Variants in PBX1 observed in about 807,000 individuals in gnomAD.
PBX1 encodes the protein pre-B-cell leukemia transcription factor 1.
PBX1 carries 6 observed loss-of-function variants against 53.4 expected under a neutral mutation model. The observed-to-expected ratio is 0.11, with a 90% CI of 0.06 to 0.22. PBX1 has a LOEUF of 0.22. Among genes scored for constraint, PBX1 ranks in the 10% least tolerant of loss-of-function variants. The probability of loss-of-function intolerance (pLI) is 1.00; values close to 1 mark genes in which losing one functional copy is unlikely to be tolerated. For synonymous variants in PBX1, 204 were observed against 212.3 expected, an observed-to-expected ratio of 0.96 and a Z score of 0.34; for missense variants, 251 against 551.4, an observed-to-expected ratio of 0.46 and a Z score of 5.46.
At chr1:164,672,184 C>T (rs1010743410) in intron 2 of PBX1, among the ~76,000 whole-genome samples, 1 of 151,888 alleles carries the variant, frequency 6.6e-6, no homozygotes, top group African/African-American at 2.4e-5. Context: ...CATAGATACT[C>T]ATGGGTGTAA....
chr1:164,618,302 G>C (rs796790141), intron 2 of PBX1, among the ~76,000 whole-genome samples: 3,696 of 147,938 alleles, frequency 0.025, 154 homozygotes, highest in African/African-American at 0.041. Flanking sequence ...CACGGCGGGG[G>C]GGGGGGGGCA....
chr1:164,680,819 T>A (rs1661721227), intron 2 of PBX1: 1 of 152,242 alleles, frequency 6.6e-6, no homozygotes. Flanking sequence ...ACTTATTTTT[T>A]ACCTCTTCAT....
intron 2 of PBX1, chr1:164,682,685 ACCT>A (rs1159061156): frequency 6.6e-6 from 1 of 152,256 alleles, no homozygotes; most frequent in African/African-American, 2.4e-5. Context: ...TTAAATAGCA[ACCT>A]CATTCCTCAG....
At position 164,674,847 on chromosome 1, in the gene PBX1, G is replaced by GCCCCCCCCC. The variant is rs78130048; in HGVS notation, c.265+111543_265+111551dup. 3.2e-4 allele frequency: 13 copies of GCCCCCCCCC among 40,710 alleles called. 3 individuals are homozygous for GCCCCCCCCC. The highest frequency in any genetic ancestry group is 1.4e-3 in the South Asian group (1 of 736). 2.5% of individuals were successfully genotyped at this position (40,710 alleles called of 1,614,324 possible). ...TATTTAGTTAGAGGAAGAAATCACA[G>GCCCCCCCCC]CCCCCCCCCCCCCCCACCCACCACC... On this transcript the variant is annotated intron_variant, in intron 2 of 8. Coordinates refer to ENST00000420696, the MANE Select transcript of PBX1 (RefSeq NM_002585.4).
At chr1:164,573,127 GA>G (rs2101717262) in intron 2 of PBX1, among the ~76,000 whole-genome samples, 1 of 152,108 alleles carries the variant, frequency 6.6e-6, no homozygotes, top group Admixed American at 6.5e-5. Context: ...TAAAAAGTAA[GA>G]AGAAGCAGGT....
rs1188392028 is a variant in PBX1 at position 164,799,686 on chromosome 1, C to G, written c.511-13C>G. 1 of 1,604,588 alleles carries G rather than the reference C, an allele frequency of 6.2e-7. No individual in the cohort carries two copies. Among genetic ancestry groups the G allele is most frequent in the African/African-American group, 1.3e-5 (1 of 74,744 alleles). ...GACCCTCAATGACGGTGTTGATTGT[C>G]CTGCCATTCCAGGCCTGCAACGAGT... is the stretch of plus-strand genomic sequence containing the variant. On this transcript the variant is annotated splice_polypyrimidine_tract_variant and intron_variant, in intron 3 of 8. Coordinates refer to ENST00000420696, the MANE Select transcript of PBX1 (RefSeq NM_002585.4).
chr1:164,563,405 C>T, intron 2 of PBX1, 94 bp downstream of exon 2: 1 of 768,658 alleles, frequency 1.3e-6, no homozygotes. Context: ...ATTAAAATTT[C>T]AGAATACAAG....
intron 2 of PBX1, among the ~76,000 whole-genome samples, chr1:164,713,121 C>T (rs1008941503): frequency 1.3e-5 from 2 of 152,128 alleles, no homozygotes; most frequent in South Asian, 2.1e-4. Context: ...CCAAGTCATT[C>T]GTTAATGACT....
At chr1:164,765,642 A>G (rs1436296108) in intron 2 of PBX1, among the ~76,000 whole-genome samples, 2 of 152,198 alleles carry the variant, frequency 1.3e-5, no homozygotes, top group Non-Finnish European at 2.9e-5. Context: ...TGTGAGATAA[A>G]TGTGGTTCTC....
At chr1:164,570,944 T>C (rs189886091) in intron 2 of PBX1, among the ~76,000 whole-genome samples, 123 of 152,324 alleles carry the variant, frequency 8.1e-4, no homozygotes, top group African/African-American at 2.6e-3. Flanking sequence ...GATTTGCATT[T>C]CTCTAATGAC....
At chr1:164,846,543 C>T (rs749467789) in intron 8 of PBX1, 41 bp from the exon 9 acceptor site, 2 of 1,572,852 alleles carry the variant, frequency 1.3e-6, no homozygotes, top group Non-Finnish European at 1.8e-6. Flanking sequence ...AACAGCCACC[C>T]AATCTCAGAG....
chr1:164,821,860 G>A (rs1670173342), intron 8 of PBX1, among the ~76,000 whole-genome samples: 1 of 152,114 alleles, frequency 6.6e-6, no homozygotes, highest in Non-Finnish European at 1.5e-5. Context: ...GACGCAATCA[G>A]TGTTTGCATG....
At chr1:164,638,977 T>G (rs947678427) in intron 2 of PBX1, among the ~76,000 whole-genome samples, 5 of 152,214 alleles carry the variant, frequency 3.3e-5, no homozygotes, top group Admixed American at 2.0e-4. Flanking sequence ...TGCCCGTTTT[T>G]TCTCTACAGG....
At chr1:164,724,149 T>C (rs911451016) in intron 2 of PBX1, among the ~76,000 whole-genome samples, 1 of 152,196 alleles carries the variant, frequency 6.6e-6, no homozygotes, top group Non-Finnish European at 1.5e-5. Context: ...AATGTGATAC[T>C]GGGTTACAAG....
intron 2 of PBX1, chr1:164,626,045 AC>A (rs1658014192): frequency 1.9e-6 from 2 of 1,039,476 alleles, no homozygotes; most frequent in Non-Finnish European, 2.3e-6. Context: ...GAACCCCGTT[AC>A]CCCCCAGCCC....
chr1:164,691,415 A>C (rs1199304850), intron 2 of PBX1, among the ~76,000 whole-genome samples: 1 of 152,246 alleles, frequency 6.6e-6, no homozygotes, highest in East Asian at 1.9e-4. Context: ...TACTGTGGGC[A>C]TATGACATTT....
chr1:164,788,788 T>G (rs574106517), intron 2 of PBX1, among the ~76,000 whole-genome samples: 2 of 147,460 alleles, frequency 1.4e-5, no homozygotes, highest in Non-Finnish European at 3.0e-5. Context: ...TCTTTTGTTT[T>G]CTTCAGAACT....
intron 2 of PBX1, among the ~76,000 whole-genome samples, chr1:164,672,696 A>G (rs563746930): frequency 6.6e-6 from 1 of 152,364 alleles, no homozygotes; most frequent in East Asian, 1.9e-4. Flanking sequence ...AATATCACAT[A>G]AATGTGTAGC....
At chr1:164,676,720 G>C (rs1205688834) in intron 2 of PBX1, among the ~76,000 whole-genome samples, 1 of 152,132 alleles carries the variant, frequency 6.6e-6, no homozygotes, top group South Asian at 2.1e-4. Flanking sequence ...TAACTGTCCT[G>C]CTTCATACGC....
Sources: allele counts gnomAD v4.1 joint callset (sites outside exome capture counted in the v4.1 genomes callset), GRCh38; gene constraint gnomAD v4.1.1; transcripts MANE v1.5; gene names NCBI Gene and HGNC (gene_info 2026-07-23, HGNC 2026-07-21).